Variants in WDR70 observed in about 807,000 individuals in gnomAD.
WDR70 encodes WD repeat-containing protein 70.
In WDR70, 53 loss-of-function variants were observed where a neutral mutation model predicts 88.6. The observed-to-expected ratio is 0.60, with a 90% CI of 0.48 to 0.75. The LOEUF (loss-of-function observed/expected upper bound fraction) is 0.75, where lower values mean the gene tolerates loss of function less well. Ranked by LOEUF, WDR70 falls within the 30% of genes least tolerant of loss-of-function variation. The pLI is 0.00. For missense variants in WDR70, 610 were observed against 823.2 expected (o/e 0.74, Z 3.17); for synonymous variants, 280 against 270.0 (o/e 1.04, Z -0.36).
At chr5:37,638,819 G>A (rs1745036821) in intron 10 of WDR70, among the ~76,000 whole-genome samples, 1 of 152,148 alleles carries the variant, frequency 6.6e-6, no homozygotes, top group Non-Finnish European at 1.5e-5. Context: ...TGCTTAGAAG[G>A]AAAAGTAATA....
Position 37,605,084 on chromosome 5 carries a change from T to A in WDR70, c.938T>A (p.Val313Asp). ...SNDATVRTWE[V>D]ENPKKQKSVF... ...TTTAGGACTGTGAGGACGTGGGAAG[T>A]TGAAAATCCAAAGAAGCAAAAAAGT... The change falls in exon 10 of 18, where the codon GTT becomes GAT. Residue 313 changes from valine (V) to aspartate (D), a missense_variant. Coordinates refer to ENST00000265107, the MANE Select transcript of WDR70 (RefSeq NM_018034.4). The A allele has an allele frequency of 3.1e-6, 5 of 1,611,350 alleles. No homozygotes were observed. Among genetic ancestry groups the A allele is most frequent in the Non-Finnish European group, 4.2e-6 (5 of 1,178,662 alleles).
At chr5:37,484,837 T>G (rs1393472283) in intron 8 of WDR70, among the ~76,000 whole-genome samples, 1 of 152,222 alleles carries the variant, frequency 6.6e-6, no homozygotes, top group African/African-American at 2.4e-5. Flanking sequence ...TACCTGAGGA[T>G]GTGTTTTTGT....
chr5:37,701,124 T>C lies in WDR70; in HGVS notation c.1259T>C (p.Leu420Pro). The stretch of plus-strand genomic sequence containing the variant: ...AAACCACTTTTTTCAGCCTCGGGTC[T>C]TCCCACCATGTTCCCAATGTAAGTA... ...FNKPLFSASG[L>P]PTMFPMTDCC... Residue 420 changes from leucine (L) to proline (P), a missense_variant, in exon 12 of 18, where the codon CTT becomes CCT. Physicochemically the swap from Leu to Pro is moderately conservative, Grantham distance 98. Transcript: ENST00000265107. 6.2e-7 allele frequency: 1 copy of C among 1,607,348 alleles called. No individual in the cohort carries two copies. The highest frequency in any genetic ancestry group is 8.5e-7 in the Non-Finnish European group (1 of 1,174,134).
intron 3 of WDR70, among the ~76,000 whole-genome samples, chr5:37,386,412 C>G (rs572421329): frequency 6.6e-6 from 1 of 152,130 alleles, no homozygotes; most frequent in Non-Finnish European, 1.5e-5. Flanking sequence ...ACTGCAACCT[C>G]TGCCTCCTGG....
At chr5:37,673,802 G>A (rs1392231813) in intron 10 of WDR70, among the ~76,000 whole-genome samples, 2 of 151,758 alleles carry the variant, frequency 1.3e-5, no homozygotes, top group East Asian at 3.9e-4. Flanking sequence ...AGTGTGTGTT[G>A]TTTCCCCCTC....
At chr5:37,674,851 A>G (rs1050772391) in intron 10 of WDR70, among the ~76,000 whole-genome samples, 55 of 151,942 alleles carry the variant, frequency 3.6e-4, no homozygotes, top group African/African-American at 1.2e-3. Flanking sequence ...TCCCACCAAC[A>G]GTGTAAAAGT....
At chr5:37,633,770 T>G (rs763303891) in intron 10 of WDR70, among the ~76,000 whole-genome samples, 2 of 110,080 alleles carry the variant, frequency 1.8e-5, no homozygotes, top group Non-Finnish European at 4.0e-5. Context: ...TTAAGAATAC[T>G]TTGGTTAAAC....
At chr5:37,688,356 T>C (rs1561071795) in intron 10 of WDR70, among the ~76,000 whole-genome samples, 1 of 152,214 alleles carries the variant, frequency 6.6e-6, no homozygotes, top group Admixed American at 6.5e-5. Flanking sequence ...AGTGCCCTTT[T>C]TACTGTACTA....
intron 10 of WDR70, among the ~76,000 whole-genome samples, chr5:37,616,811 T>C (rs1744357901): frequency 6.6e-6 from 1 of 152,258 alleles, no homozygotes; most frequent in Non-Finnish European, 1.5e-5. Context: ...AATAAATGAA[T>C]GAATGCTATC....
At chr5:37,642,583 A>G (rs1338588583) in intron 10 of WDR70, among the ~76,000 whole-genome samples, 1 of 152,152 alleles carries the variant, frequency 6.6e-6, no homozygotes, top group Non-Finnish European at 1.5e-5. Flanking sequence ...ACTGTTCTAC[A>G]TAGTGGTTGT....
At chr5:37,445,893 CCT>C (rs1375040580) in intron 7 of WDR70, among the ~76,000 whole-genome samples, 1 of 152,106 alleles carries the variant, frequency 6.6e-6, no homozygotes, top group East Asian at 1.9e-4. Context: ...ACAGGGATGC[CCT>C]CTCTCACCAC....
chr5:37,431,635 A>G (rs1363410865), intron 5 of WDR70, among the ~76,000 whole-genome samples: 3 of 152,204 alleles, frequency 2.0e-5, no homozygotes, highest in African/African-American at 7.2e-5. Context: ...ACATATATTC[A>G]CATTATTGTA....
intron 9 of WDR70, among the ~76,000 whole-genome samples, chr5:37,525,837 A>G (rs1262811291): frequency 6.6e-6 from 1 of 152,260 alleles, no homozygotes; most frequent in Admixed American, 6.5e-5. Flanking sequence ...AACTACCATC[A>G]GAGAATACTA....
rs1432802454 is a variant in WDR70 at position 37,582,938 on chromosome 5, T to C, written c.918-22126T>C. On this transcript the variant is annotated intron_variant, in intron 9 of 17. Coordinates refer to ENST00000265107, the MANE Select transcript of WDR70 (RefSeq NM_018034.4). ...TTATCAAATAGCCTGTTTCTGATGG[T>C]AAAATGCTGCTTAGGTGGTTCCACT... Among the ~76,000 whole-genome samples, 3 of 152,248 alleles carry C rather than the reference T, an allele frequency of 2.0e-5. No individual in the cohort carries two copies. In the South Asian group the frequency reaches 6.2e-4, roughly 32 times the overall value.
chr5:37,426,736 T>A (rs1232454427), intron 5 of WDR70, among the ~76,000 whole-genome samples: 1 of 152,142 alleles, frequency 6.6e-6, no homozygotes, highest in Non-Finnish European at 1.5e-5. Context: ...TGAGGCCATT[T>A]TTGGAGACTA....
At chr5:37,510,552 T>G (rs1589117) in intron 8 of WDR70, among the ~76,000 whole-genome samples, 1 of 152,260 alleles carries the variant, frequency 6.6e-6, no homozygotes, top group South Asian at 2.1e-4. Context: ...TCTGCCTCAG[T>G]CTCCCTAGTA....
chr5:37,379,388 C>G lies in WDR70; in HGVS notation c.21C>G (p.Ser7Arg), dbSNP rs2111831976. The G allele has an allele frequency of 6.2e-7, 1 of 1,613,572 alleles. No individual in the cohort carries two copies. The highest frequency in any genetic ancestry group is 1.1e-5 in the South Asian group (1 of 91,058). The change falls in exon 1 of 18, where the codon AGC becomes AGG. Residue 7 changes from serine (S) to arginine (R), a missense_variant. Transcript: ENST00000265107. MERSGP[S>R]EVTGSDASGP... Reference sequence around the variant, plus strand: ...CAGCCATGGAGCGCTCTGGGCCCAGCGAAGGTGGGTTTCATGAGGCGAGTC... The same window carrying G: ...CAGCCATGGAGCGCTCTGGGCCCAGGGAAGGTGGGTTTCATGAGGCGAGTC...
chr5:37,432,297 C>T lies in WDR70; in HGVS notation c.493-5625C>T, dbSNP rs1199096875. On this transcript the variant is annotated intron_variant, in intron 5 of 17. Transcript: ENST00000265107. ...TTCATTGTGCTTTTAATTTGCATTT[C>T]CTTAATTATTAGTGATGCTGAGCAT... 2.0e-5 allele frequency among the ~76,000 whole-genome samples: 3 copies of T among 152,074 alleles called. No individual in the cohort carries two copies. The East Asian group carries it at 5.8e-4, about 29-fold the overall frequency.
chr5:37,454,143 T>C (rs1738759345), intron 7 of WDR70, among the ~76,000 whole-genome samples: 1 of 152,186 alleles, frequency 6.6e-6, no homozygotes. Context: ...CAGCAAGGTG[T>C]ACCCACCTTT....
Sources: gnomAD v4.1 joint callset for allele counts (sites outside exome capture counted in the v4.1 genomes callset) on GRCh38, gnomAD v4.1.1 for gene constraint, MANE v1.5 for transcripts, NCBI Gene and HGNC (gene_info 2026-07-23, HGNC 2026-07-21) for gene names.